Variants in NT5DC3 observed in about 807,000 individuals in gnomAD.
NT5DC3 encodes the protein 5'-nucleotidase domain-containing protein 3.
Under a neutral mutation model 67.8 loss-of-function variants are expected in NT5DC3, and 42 were observed. That is an observed-to-expected ratio of 0.62 (90% CI 0.48 to 0.80). NT5DC3 has a LOEUF of 0.80. Ranked by LOEUF, NT5DC3 falls within the 30% of genes least tolerant of loss-of-function variation. The pLI is 0.00. For synonymous variants in NT5DC3, 237 were observed against 255.6 expected (o/e 0.93, Z 0.69); for missense variants, 570 against 696.4 (o/e 0.82, Z 2.04).
In NT5DC3 at chr12:103,777,274, T is replaced by C. The variant is rs75486988; in HGVS notation, c.*555A>G. On this transcript the variant is annotated 3_prime_UTR_variant, in exon 14 of 14. Coordinates refer to ENST00000392876, the MANE Select transcript of NT5DC3 (RefSeq NM_001031701.3). ...TCCAGGGAGGCTGTGTTCTATTTGA[T>C]GTGATGTGCCAGAATGTCAAAGCCT... The C allele has an allele frequency of 2.1e-3, 319 of 154,328 alleles. 2 individuals carry two copies. The East Asian group carries it at 0.036, about 18-fold the overall frequency. The allele number at this position is 154,328 out of a possible 1,614,324, so 9.6% of individuals were successfully genotyped here. A position where few individuals can be genotyped will look rare whatever the true frequency, so the allele number is the denominator to read the frequency against.
chr12:103,828,558 T>C (rs892944855), intron 1 of NT5DC3, among the ~76,000 whole-genome samples: 1 of 152,156 alleles, frequency 6.6e-6, no homozygotes, highest in Non-Finnish European at 1.5e-5. Context: ...AAGGTCAAGA[T>C]AATACAAAGA....
the NT5DC3 span, among the ~76,000 whole-genome samples, chr12:103,747,266 A>G: frequency 2.6e-5 from 4 of 152,196 alleles, no homozygotes; most frequent in Non-Finnish European, 5.9e-5. Flanking sequence ...ATATCCCTCT[A>G]TAGTAGTTAG....
chr12:103,763,868 A>C, the NT5DC3 span: 1 of 333,086 alleles, frequency 3.0e-6, no homozygotes, highest in Non-Finnish European at 5.4e-6. Flanking sequence ...TCCAAGCCCA[A>C]TCTCATGACC....
chr12:103,747,329 A>G, the NT5DC3 span, among the ~76,000 whole-genome samples: 1 of 152,224 alleles, frequency 6.6e-6, no homozygotes, highest in African/African-American at 2.4e-5. Context: ...TAAATAAGGC[A>G]GATGTTTCCT....
At chr12:103,762,828 T>C in the NT5DC3 span, among the ~76,000 whole-genome samples, 1 of 152,270 alleles carries the variant, frequency 6.6e-6, no homozygotes, top group South Asian at 2.1e-4. Flanking sequence ...AGAGGCTTTA[T>C]GCTGCAGCCA....
rs1285881239 is a variant in NT5DC3, at chr12:103,798,763, A to G, written c.525-86T>C. The stretch of plus-strand genomic sequence containing the variant: ...CCCTGTGCAGTGCTGGGATTTTTCA[A>G]TTGAGGTGCAAGGCACTGTCATCAT... On this transcript the variant is annotated intron_variant, in intron 4 of 13. Coordinates refer to ENST00000392876, the MANE Select transcript of NT5DC3 (RefSeq NM_001031701.3). 16 of 950,202 alleles carry G rather than the reference A, an allele frequency of 1.7e-5. No individual in the cohort carries two copies. In the East Asian group the frequency reaches 2.0e-4, roughly 12 times the overall value. 58.9% of individuals were successfully genotyped at this position (950,202 alleles called of 1,614,324 possible). A position where few individuals can be genotyped will look rare whatever the true frequency, so the allele number is the denominator to read the frequency against.
chr12:103,761,242 C>T, the NT5DC3 span: 7 of 1,530,286 alleles, frequency 4.6e-6, no homozygotes, highest in Non-Finnish European at 6.3e-6. Context: ...AACTTCCCTC[C>T]ATGGAGGGCT....
chr12:103,840,828 T>C, intron 1 of NT5DC3, 121 bp downstream of exon 1: 1 of 418,964 alleles, frequency 2.4e-6, no homozygotes, highest in African/African-American at 2.1e-5. Flanking sequence ...GGCACCGGGG[T>C]TCGCGACTGG....
chr12:103,831,731 C>T (rs1887935083), intron 1 of NT5DC3, among the ~76,000 whole-genome samples: 1 of 151,260 alleles, frequency 6.6e-6, no homozygotes, highest in Admixed American at 6.6e-5. Context: ...AGAACAGTCA[C>T]ACCTTCAAGG....
chr12:103,829,718 C>A (rs1887843532), intron 1 of NT5DC3, among the ~76,000 whole-genome samples: 1 of 152,144 alleles, frequency 6.6e-6, no homozygotes, highest in Admixed American at 6.6e-5. Flanking sequence ...CTGATTTCAA[C>A]ATTGTCAATA....
At chr12:103,790,891 A>G (rs10861102) in intron 9 of NT5DC3, among the ~76,000 whole-genome samples, 57,685 of 149,990 alleles carry the variant, frequency 0.38, 12,047 homozygotes, top group East Asian at 0.88. Context: ...GGGTTTCACC[A>G]TGTTAGCCAG....
At chr12:103,779,336 G>C (rs958967375) in intron 13 of NT5DC3, among the ~76,000 whole-genome samples, 1 of 152,150 alleles carries the variant, frequency 6.6e-6, no homozygotes, top group Admixed American at 6.5e-5. Context: ...TACACACAGA[G>C]TATTCCATTA....
intron 4 of NT5DC3, chr12:103,801,946 C>A (rs1005657834): frequency 6.6e-6 from 1 of 152,300 alleles, no homozygotes; most frequent in Non-Finnish European, 1.5e-5. Context: ...GCCTGCTTTA[C>A]AGGAGGAAAC....
Position 103,814,956 on chromosome 12 carries a change from A to G in NT5DC3, c.374T>C (p.Leu125Pro). Reference protein sequence around the residue: ...HTLIFNAARDLLINEHRYPAE... With the variant: ...HTLIFNAARDPLINEHRYPAE... Reference sequence around the variant, plus strand: ...TCTTACCCGGTGTTCATTGATGAGAAGGTCCCGTGCAGCATTAAATATCAG... The same window carrying G: ...TCTTACCCGGTGTTCATTGATGAGAGGGTCCCGTGCAGCATTAAATATCAG... Residue 125 changes from leucine (L) to proline (P), a missense_variant, in exon 2 of 14, where the codon CTT becomes CCT. By Grantham distance (98) the Leu-to-Pro change is moderately conservative (BLOSUM62 -3). Coordinates refer to ENST00000392876, the MANE Select transcript of NT5DC3 (RefSeq NM_001031701.3). 2.5e-6 allele frequency: 4 copies of G among 1,607,710 alleles called. No individual in the cohort carries two copies. Among genetic ancestry groups the G allele is most frequent in the Non-Finnish European group, 3.4e-6 (4 of 1,176,986 alleles).
the NT5DC3 span, chr12:103,759,242 T>A: frequency 6.2e-7 from 1 of 1,614,050 alleles, no homozygotes; most frequent in South Asian, 1.1e-5. Flanking sequence ...AGCAAGCTGC[T>A]CATCACTGCC....
At chr12:103,781,228 G>A (rs1264476349) in intron 12 of NT5DC3, among the ~76,000 whole-genome samples, 1 of 152,222 alleles carries the variant, frequency 6.6e-6, no homozygotes, top group East Asian at 1.9e-4. Context: ...GACCACAGGG[G>A]TAACCTTAGA....
At chr12:103,840,406 A>T (rs1888347176) in intron 1 of NT5DC3, among the ~76,000 whole-genome samples, 1 of 147,206 alleles carries the variant, frequency 6.8e-6, no homozygotes, top group African/African-American at 2.6e-5. Flanking sequence ...ATCTCATCTC[A>T]TCTCATCTCA....
the NT5DC3 span, chr12:103,763,408 G>A: frequency 4.5e-6 from 5 of 1,107,216 alleles, no homozygotes; most frequent in Non-Finnish European, 5.4e-6. Context: ...AGAGGCAAAG[G>A]GTGGCTTGCT....
At chr12:103,822,348 G>T (rs1037188273) in intron 1 of NT5DC3, among the ~76,000 whole-genome samples, 6 of 152,140 alleles carry the variant, frequency 3.9e-5, no homozygotes, top group Admixed American at 1.3e-4. Flanking sequence ...CAATGGTCTA[G>T]TATTCTTAAT....
Sources: allele counts gnomAD v4.1 joint callset (sites outside exome capture counted in the v4.1 genomes callset), GRCh38; gene constraint gnomAD v4.1.1; transcripts MANE v1.5; gene names NCBI Gene and HGNC (gene_info 2026-07-23, HGNC 2026-07-21).